Variants in ADGB observed in about 807,000 individuals in gnomAD.
ADGB encodes the protein calpain-7-like protein.
ADGB carries 172 observed loss-of-function variants against 210.5 expected under a neutral mutation model. The ratio of observed to expected loss-of-function variants is 0.82; its 90% CI spans 0.72 to 0.93. ADGB has a LOEUF of 0.93. ADGB is among the 40% of genes least tolerant of loss of function. The pLI is 0.00. For synonymous variants in ADGB, 658 were observed against 662.7 expected, an observed-to-expected ratio of 0.99 and a Z score of 0.11; for missense variants, 2,025 against 1,964.8, an observed-to-expected ratio of 1.03 and a Z score of -0.58.
At position 146,752,514 on chromosome 6, in the gene ADGB, CT is replaced by C; in HGVS notation, c.3366-9del. 3 of 1,525,592 alleles carry C rather than the reference CT, an allele frequency of 2.0e-6. No individual in the cohort carries two copies. Among genetic ancestry groups the C allele is most frequent in the Non-Finnish European group, 2.6e-6 (3 of 1,134,846 alleles). 94.5% of individuals were successfully genotyped at this position (1,525,592 alleles called of 1,614,324 possible). On this transcript the variant is annotated splice_polypyrimidine_tract_variant and intron_variant, in intron 26 of 35. Coordinates refer to ENST00000397944, the MANE Select transcript of ADGB (RefSeq NM_024694.4). The stretch of plus-strand genomic sequence containing the variant: ...CCAACATACTTGCTTATAATGTTAA[CT>C]TTTTTTCTTTACAGGTATTCGGTTA...
intron 35 of ADGB, among the ~76,000 whole-genome samples, chr6:146,813,939 A>C (rs913328352): frequency 6.6e-6 from 1 of 152,182 alleles, no homozygotes; most frequent in Admixed American, 6.5e-5. Context: ...TAGGAGAATG[A>C]ATGTTTTATA....
intron 19 of ADGB, among the ~76,000 whole-genome samples, chr6:146,727,885 C>T (rs1776921163): frequency 6.6e-6 from 1 of 152,200 alleles, no homozygotes; most frequent in Non-Finnish European, 1.5e-5. Context: ...GGCATCTGTG[C>T]TTCAGGTGCA....
At chr6:146,800,489 T>A (rs948400055) in intron 33 of ADGB, among the ~76,000 whole-genome samples, 8 of 152,188 alleles carry the variant, frequency 5.3e-5, no homozygotes, top group African/African-American at 1.9e-4. Context: ...AATTAGAACC[T>A]TAAAATGGTT....
At chr6:146,791,385 A>G (rs909365043) in intron 33 of ADGB, among the ~76,000 whole-genome samples, 2 of 152,062 alleles carry the variant, frequency 1.3e-5, no homozygotes, top group African/African-American at 4.8e-5. Context: ...TTATTTTTAG[A>G]AAGGTTGGAG....
intron 16 of ADGB, among the ~76,000 whole-genome samples, chr6:146,720,459 GT>G (rs1368637929): frequency 6.6e-6 from 1 of 152,132 alleles, no homozygotes; most frequent in Non-Finnish European, 1.5e-5. Flanking sequence ...TTTAAGGAGA[GT>G]TTTGATTTTA....
rs908966090 is a variant in ADGB at position 146,680,308 on chromosome 6, A to G, written c.1216+3867A>G. ...TGTTAAAGATGGCAAAGCCACAAGG[A>G]TGGACAGAGCAGGAGTATGTGAATC... On this transcript the variant is annotated intron_variant, in intron 9 of 35. Transcript: ENST00000397944. 2.0e-5 allele frequency among the ~76,000 whole-genome samples: 3 copies of G among 152,202 alleles called. No individual in the cohort carries two copies. The East Asian group carries it at 5.8e-4, about 29-fold the overall frequency.
intron 2 of ADGB, chr6:146,639,837 A>G (rs1316310291): frequency 6.6e-6 from 1 of 152,000 alleles, no homozygotes; most frequent in Non-Finnish European, 1.5e-5. Context: ...TAAAAATCTA[A>G]CTTCGCAATT....
At chr6:146,647,409 C>T (rs1255492897) in intron 3 of ADGB, among the ~76,000 whole-genome samples, 2 of 151,838 alleles carry the variant, frequency 1.3e-5, no homozygotes, top group East Asian at 3.9e-4. Context: ...TTTAGATAAC[C>T]TAGAAGTCAA....
chr6:146,798,811 A>C (rs970795241), intron 33 of ADGB, among the ~76,000 whole-genome samples: 4 of 152,102 alleles, frequency 2.6e-5, no homozygotes, highest in African/African-American at 9.7e-5. Context: ...CAACAGCATC[A>C]ATAATAAATA....
At chr6:146,739,949 AC>A (rs1238082039) in intron 23 of ADGB, among the ~76,000 whole-genome samples, 1 of 152,106 alleles carries the variant, frequency 6.6e-6, no homozygotes, top group East Asian at 1.9e-4. Flanking sequence ...TCCCTTATAC[AC>A]TCAGAAATCA....
intron 4 of ADGB, among the ~76,000 whole-genome samples, chr6:146,655,444 G>T (rs1235285488): frequency 6.6e-6 from 1 of 152,018 alleles, no homozygotes; most frequent in Non-Finnish European, 1.5e-5. Context: ...GCCCCATGTT[G>T]GGTTGGGATT....
At chr6:146,741,475 C>T (rs796985314) in intron 25 of ADGB, among the ~76,000 whole-genome samples, 4 of 152,204 alleles carry the variant, frequency 2.6e-5, no homozygotes, top group Admixed American at 6.5e-5. Flanking sequence ...CCTCTCAACG[C>T]TCTTTCTTCT....
Position 146,743,138 on chromosome 6 carries a change from T to A in ADGB, c.3177+1867T>A, listed in dbSNP as rs113897700. On this transcript the variant is annotated intron_variant, in intron 25 of 35. Coordinates refer to ENST00000397944, the MANE Select transcript of ADGB (RefSeq NM_024694.4). ...AGTTTGAGTTAGACTTCCTTTTGAA[T>A]AGAAACAGTTTATTTAATTTGTGAT... Among the ~76,000 whole-genome samples, 1,297 of 152,290 alleles carry A rather than the reference T, an allele frequency of 8.5e-3. 10 individuals are homozygous for A. The highest frequency in any genetic ancestry group is 0.024 in the Middle Eastern group (7 of 294).
intron 1 of ADGB, among the ~76,000 whole-genome samples, chr6:146,631,158 C>A (rs1186922728): frequency 6.6e-6 from 1 of 152,130 alleles, no homozygotes; most frequent in Non-Finnish European, 1.5e-5. Context: ...AAGAGGAAAT[C>A]CAAATCCTAA....
intron 3 of ADGB, among the ~76,000 whole-genome samples, chr6:146,652,823 G>T (rs1775721721): frequency 6.6e-6 from 1 of 152,148 alleles, no homozygotes; most frequent in African/African-American, 2.4e-5. Context: ...CCAAGATGAA[G>T]ATATTTTCCC....
At chr6:146,748,521 T>C (rs954003200) in intron 26 of ADGB, among the ~76,000 whole-genome samples, 2 of 152,180 alleles carry the variant, frequency 1.3e-5, no homozygotes, top group Non-Finnish European at 2.9e-5. Flanking sequence ...CCTTAGCTTT[T>C]AGAAGCATCA....
chr6:146,805,192 C>T (rs193140592), intron 35 of ADGB, among the ~76,000 whole-genome samples: 4 of 152,300 alleles, frequency 2.6e-5, no homozygotes, highest in Non-Finnish European at 4.4e-5. Flanking sequence ...TGCACATTGG[C>T]TGTGACTATT....
chr6:146,635,584 T>C lies in ADGB; in HGVS notation c.237+47T>C, dbSNP rs1473685269. On this transcript the variant is annotated intron_variant, in intron 2 of 35. Transcript: ENST00000397944. ...TAGGTTTCATTTTGGTTTTTAATTT[T>C]ATAATGGAATGAGATTTGTAAACAT... 3 of 1,444,896 alleles carry C rather than the reference T, an allele frequency of 2.1e-6. No homozygotes were observed. In the Admixed American group the frequency reaches 7.9e-5, roughly 38 times the overall value. 89.5% of individuals were successfully genotyped at this position (1,444,896 alleles called of 1,614,324 possible).
At chr6:146,716,535 G>C (rs1459737480) in intron 14 of ADGB, among the ~76,000 whole-genome samples, 1 of 121,398 alleles carries the variant, frequency 8.2e-6, no homozygotes, top group Non-Finnish European at 1.5e-5. Context: ...GGAGCTTGCA[G>C]TGAGCCGAGA....
Sources: gnomAD v4.1 joint callset for allele counts (sites outside exome capture counted in the v4.1 genomes callset) on GRCh38, gnomAD v4.1.1 for gene constraint, MANE v1.5 for transcripts, NCBI Gene and HGNC (gene_info 2026-07-23, HGNC 2026-07-21) for gene names.